ABCC11: variants seen among roughly 807,000 people sequenced by gnomAD.
ABCC11 encodes ATP-binding cassette sub-family C member 11.
A neutral mutation model predicts 149.3 loss-of-function variants in ABCC11; 135 were observed. That is an observed-to-expected ratio of 0.90 (90% CI 0.79 to 1.04). ABCC11 has a LOEUF of 1.04. Among genes scored for constraint, ABCC11 ranks in the 50% least tolerant of loss-of-function variants. The pLI, the probability that ABCC11 is intolerant of heterozygous loss-of-function variation, is 0.00. For missense variants in ABCC11, 1,680 were observed against 1,722.1 expected (o/e 0.98, Z 0.43); for synonymous variants, 665 against 671.4 (o/e 0.99, Z 0.15).
chr16:48,233,640 G>T (rs1429826195), intron 1 of ABCC11, among the ~76,000 whole-genome samples: 1 of 152,226 alleles, frequency 6.6e-6, no homozygotes, highest in African/African-American at 2.4e-5. Context: ...TGGGGCCACG[G>T]TATATTGCTG....
intron 11 of ABCC11, 27 bp downstream of exon 11, chr16:48,210,921 C>T: frequency 6.2e-7 from 1 of 1,606,432 alleles, no homozygotes; most frequent in Middle Eastern, 1.7e-4. Context: ...GGCAGCTGGC[C>T]TGCCTGCGTG....
At chr16:48,170,046 C>G in intron 28 of ABCC11, 59 bp downstream of exon 28, 268 of 1,367,048 alleles carry the variant, frequency 2.0e-4, no homozygotes, top group Non-Finnish European at 2.5e-4. Context: ...GCCGGTGTGG[C>G]TTCCCTCATC....
At chr16:48,222,055 CAGG>C (rs531252753) in intron 6 of ABCC11, among the ~76,000 whole-genome samples, 124 of 151,360 alleles carry the variant, frequency 8.2e-4, no homozygotes, top group African/African-American at 2.7e-3. Context: ...GCTGGGTCTA[CAGG>C]CATGTACCAC....
intron 26 of ABCC11, 127 bp from the exon 27 acceptor site, chr16:48,171,094 C>T: frequency 4.7e-6 from 4 of 855,328 alleles, no homozygotes; most frequent in Non-Finnish European, 7.6e-6. Context: ...TTCATGGAAC[C>T]ACCACAAATG....
chr16:48,219,579 T>A (rs575974285), intron 6 of ABCC11, among the ~76,000 whole-genome samples: 1 of 152,292 alleles, frequency 6.6e-6, no homozygotes, highest in African/African-American at 2.4e-5. Context: ...CTATTTTATT[T>A]TGTTTCCAAG....
At chr16:48,174,622 C>T (rs1245963457) in intron 26 of ABCC11, among the ~76,000 whole-genome samples, 1 of 152,062 alleles carries the variant, frequency 6.6e-6, no homozygotes, top group East Asian at 1.9e-4. Context: ...ATTTTTCTCA[C>T]ATCACTCCTG....
intron 23 of ABCC11, among the ~76,000 whole-genome samples, chr16:48,181,670 G>A (rs1004918495): frequency 2.6e-5 from 4 of 151,508 alleles, no homozygotes; most frequent in African/African-American, 9.7e-5. Context: ...GAGTGCAGTG[G>A]TGCGATCTTG....
intron 28 of ABCC11, among the ~76,000 whole-genome samples, 154 bp from the exon 29 acceptor site, chr16:48,167,814 G>A (rs947373084): frequency 3.3e-5 from 5 of 152,146 alleles, no homozygotes; most frequent in Admixed American, 2.0e-4. Flanking sequence ...TGCAAAGCCC[G>A]CTCTGATTGC....
At chr16:48,174,677 C>T (rs367821138) in intron 26 of ABCC11, among the ~76,000 whole-genome samples, 12 of 150,996 alleles carry the variant, frequency 7.9e-5, no homozygotes, top group African/African-American at 3.0e-4. Context: ...AAAACGTCCC[C>T]AGGGGCTTTG....
chr16:48,215,944 C>T (rs942264983), intron 7 of ABCC11, among the ~76,000 whole-genome samples, 170 bp downstream of exon 7: 2 of 152,170 alleles, frequency 1.3e-5, no homozygotes, highest in African/African-American at 2.4e-5. Flanking sequence ...ACTTCTTAAC[C>T]GAATGTTGTG....
intron 1 of ABCC11, chr16:48,232,186 C>T: frequency 2.7e-6 from 2 of 750,234 alleles, no homozygotes; most frequent in Non-Finnish European, 3.7e-6. Flanking sequence ...CAACCCACCC[C>T]CAACACCGCA....
chr16:48,223,856 G>A (rs1969906174), intron 5 of ABCC11: 1 of 153,658 alleles, frequency 6.5e-6, no homozygotes. Context: ...TCTCAGAGGA[G>A]CTAACATGTG....
intron 15 of ABCC11, among the ~76,000 whole-genome samples, chr16:48,198,929 C>T (rs917839221): frequency 9.2e-5 from 14 of 151,640 alleles, no homozygotes; most frequent in East Asian, 1.9e-4. Context: ...CCCAGCTACT[C>T]GGGAGGCTGA....
intron 13 of ABCC11, among the ~76,000 whole-genome samples, chr16:48,204,473 C>T (rs1461307260): frequency 6.6e-6 from 1 of 152,128 alleles, no homozygotes; most frequent in Non-Finnish European, 1.5e-5. Context: ...CGATCGGTGA[C>T]CAATTACCAA....
intron 19 of ABCC11, 22 bp from the exon 20 acceptor site, chr16:48,192,739 C>T: frequency 6.2e-7 from 1 of 1,612,800 alleles, no homozygotes; most frequent in East Asian, 2.2e-5. Flanking sequence ...AACAGGGGGT[C>T]TGACTGCAGG....
At chr16:48,232,193 C>T (rs557588234) in intron 1 of ABCC11, 277 of 667,452 alleles carry the variant, frequency 4.2e-4, no homozygotes, top group Non-Finnish European at 5.3e-4. Flanking sequence ...CCCCCAACAC[C>T]GCACCCTTGA....
At position 48,187,284 on chromosome 16, in the gene ABCC11, G is replaced by A. The variant is rs951088516; in HGVS notation, c.2850C>T (p.Ala950=). Residue 950 remains alanine, a synonymous_variant, in exon 21 of 30, where the codon GCC becomes GCT. Transcript: ENST00000356608. ...ACAGCACACTGACAATCAACAGGAC[G>A]GCGATCACCATTAAGGACAGGACCA... is the stretch of plus-strand genomic sequence containing the variant. The part of the protein sequence containing the change: ...QFLVLSLMVI[A]VLLIVSVLSP... The A allele has an allele frequency of 2.9e-5, 47 of 1,614,030 alleles. No individual in the cohort carries two copies. Among genetic ancestry groups the A allele is most frequent in the South Asian group, 3.3e-5 (3 of 91,084 alleles).
chr16:48,240,214 T>C (rs1024980443), intron 1 of ABCC11, among the ~76,000 whole-genome samples: 1 of 152,188 alleles, frequency 6.6e-6, no homozygotes, highest in Admixed American at 6.5e-5. Context: ...ATTTTAAAGG[T>C]ACATGCACAC....
chr16:48,239,904 G>A (rs573223742), intron 1 of ABCC11, among the ~76,000 whole-genome samples: 1 of 152,208 alleles, frequency 6.6e-6, no homozygotes, highest in South Asian at 2.1e-4. Flanking sequence ...ATATTCATGT[G>A]GCCAACAAAC....
Sources: gnomAD v4.1 joint callset for allele counts (sites outside exome capture counted in the v4.1 genomes callset) on GRCh38, gnomAD v4.1.1 for gene constraint, MANE v1.5 for transcripts, NCBI Gene and HGNC (gene_info 2026-07-23, HGNC 2026-07-21) for gene names.